EPHA5: variants seen among roughly 807,000 people sequenced by gnomAD.
EPHA5 encodes the protein ephrin type-A receptor 5.
Under a neutral mutation model 105.0 loss-of-function variants are expected in EPHA5, and 60 were observed. The observed-to-expected ratio is 0.57, with a 90% confidence interval of 0.46 to 0.71. The LOEUF is 0.71. Among genes scored for constraint, EPHA5 ranks in the 30% least tolerant of loss-of-function variants. The pLI is 0.00. For synonymous variants in EPHA5, 513 were observed against 449.1 expected (o/e 1.14, Z -1.80); for missense variants, 1,218 against 1,274.7 (o/e 0.96, Z 0.68).
intron 3 of EPHA5, among the ~76,000 whole-genome samples, chr4:65,590,200 A>G (rs1379370052): frequency 6.6e-6 from 1 of 152,152 alleles, no homozygotes; most frequent in African/African-American, 2.4e-5. Context: ...TTTCTTTTAT[A>G]AACTACACCT....
At chr4:65,436,351 GACAC>G (rs151176532) in intron 5 of EPHA5, among the ~76,000 whole-genome samples, 9 of 150,760 alleles carry the variant, frequency 6.0e-5, no homozygotes, top group Middle Eastern at 3.4e-3. Flanking sequence ...GCTATAAACA[GACAC>G]ACACACACAC....
intron 16 of EPHA5, among the ~76,000 whole-genome samples, chr4:65,326,893 G>T (rs1720131945): frequency 6.6e-6 from 1 of 151,048 alleles, no homozygotes; most frequent in Non-Finnish European, 1.5e-5. Context: ...TGACCTGAAA[G>T]AATTTATAAG....
At position 65,490,707 on chromosome 4, in the gene EPHA5, G is replaced by A. The variant is rs762220456; in HGVS notation, c.1072C>T (p.Pro358Ser). ...GAGATGGCATTCCGAGGAGCAGAGG[G>A]GGGTCCTGGTTTACAAAGTAAAGTA... ...DPPTMACTRP[P>S]SAPRNAISNV... The change falls in exon 5 of 17, where the codon CCC (proline) becomes TCC (serine). Residue 358 changes from proline (P) to serine (S), a missense_variant. Physicochemically the swap from Pro to Ser is moderately conservative, Grantham distance 74 (BLOSUM62 -1). Around this residue, in one of 3 missense-constraint regions of EPHA5, gnomAD observed 971 missense variants for 1,013.5 expected, o/e 0.96. Coordinates refer to ENST00000613740, the MANE Select transcript of EPHA5 (RefSeq NM_001281766.3). 1 of 1,612,774 alleles carries A rather than the reference G, an allele frequency of 6.2e-7. No homozygotes were observed. The highest frequency in any genetic ancestry group is 8.5e-7 in the Non-Finnish European group (1 of 1,178,902).
intron 5 of EPHA5, among the ~76,000 whole-genome samples, chr4:65,486,802 C>T (rs1730923908): frequency 6.6e-6 from 1 of 152,230 alleles, no homozygotes; most frequent in African/African-American, 2.4e-5. Flanking sequence ...GAGATTATAA[C>T]AGTGATATGG....
intron 8 of EPHA5, among the ~76,000 whole-genome samples, chr4:65,380,648 T>C (rs988375144): frequency 6.6e-6 from 1 of 151,824 alleles, no homozygotes; most frequent in Non-Finnish European, 1.5e-5. Context: ...AGTACTTGAA[T>C]TACATAGAAA....
intron 8 of EPHA5, among the ~76,000 whole-genome samples, chr4:65,391,411 A>T (rs1720706191): frequency 2.0e-5 from 3 of 152,092 alleles, no homozygotes; most frequent in African/African-American, 7.2e-5. Flanking sequence ...TTCATGTAAG[A>T]CCTTATAAAG....
chr4:65,602,335 AAT>A, intron 2 of EPHA5, 31 bp from the exon 3 acceptor site: 1 of 1,476,938 alleles, frequency 6.8e-7, no homozygotes, highest in Non-Finnish European at 9.0e-7. Context: ...AGATAAAAAA[AAT>A]TCAAAAAATA....
intron 3 of EPHA5, among the ~76,000 whole-genome samples, chr4:65,563,452 T>G (rs964677008): frequency 6.6e-6 from 1 of 151,986 alleles, no homozygotes; most frequent in East Asian, 1.9e-4. Flanking sequence ...TTATATGGAG[T>G]AGTATAATTA....
rs150210850 is a variant in EPHA5, at chr4:65,668,336, G to A, written c.181+1226C>T. On this transcript the variant is annotated intron_variant, in intron 1 of 16. Coordinates refer to ENST00000613740, the MANE Select transcript of EPHA5 (RefSeq NM_001281766.3). ...CTTCATCTTTCCGGTCTAGTGTCCC[G>A]TGCCCAGGAGTGGAAGGAATTTCTG... 8.3e-4 allele frequency among the ~76,000 whole-genome samples: 126 copies of A among 152,204 alleles called. 1 individual carries two copies. The highest frequency in any genetic ancestry group is 2.8e-3 in the African/African-American group (115 of 41,528).
chr4:65,330,769 T>A (rs528594103), intron 16 of EPHA5: 1,948 of 1,023,996 alleles, frequency 1.9e-3, no homozygotes, highest in Non-Finnish European at 2.1e-3. Context: ...CACAAATGGG[T>A]TCCTTGAGTG....
intron 3 of EPHA5, among the ~76,000 whole-genome samples, chr4:65,544,670 A>G (rs1439754600): frequency 6.6e-6 from 1 of 152,058 alleles, no homozygotes; most frequent in African/African-American, 2.4e-5. Context: ...CAGTGTGGCA[A>G]TTCCTCAAAG....
intron 8 of EPHA5, among the ~76,000 whole-genome samples, chr4:65,369,380 GT>G (rs1236356646): frequency 6.6e-6 from 1 of 151,982 alleles, no homozygotes; most frequent in Admixed American, 6.6e-5. Flanking sequence ...ACAAAATTCA[GT>G]TTACTAAAAA....
chr4:65,429,428 C>T (rs542015595), intron 5 of EPHA5, among the ~76,000 whole-genome samples: 1 of 150,964 alleles, frequency 6.6e-6, no homozygotes, highest in South Asian at 2.1e-4. Context: ...TATAAATCCA[C>T]ATTAAATAGG....
intron 4 of EPHA5, among the ~76,000 whole-genome samples, chr4:65,491,920 A>G (rs1731439988): frequency 6.6e-6 from 1 of 152,194 alleles, no homozygotes; most frequent in South Asian, 2.1e-4. Context: ...TTAATGTTAT[A>G]TTATTGGATA....
chr4:65,648,693 T>C (rs1412579369), intron 1 of EPHA5, among the ~76,000 whole-genome samples: 11 of 152,198 alleles, frequency 7.2e-5, no homozygotes, highest in African/African-American at 2.2e-4. Flanking sequence ...TACAAGAGGC[T>C]TTTGATGGAT....
chr4:65,665,956 C>A (rs571005835), intron 1 of EPHA5, among the ~76,000 whole-genome samples: 2 of 152,152 alleles, frequency 1.3e-5, no homozygotes, highest in South Asian at 2.1e-4. Flanking sequence ...TGGGGTCCTG[C>A]GGATTTATCT....
At chr4:65,550,106 T>C (rs528237203) in intron 3 of EPHA5, among the ~76,000 whole-genome samples, 3 of 151,918 alleles carry the variant, frequency 2.0e-5, no homozygotes, top group Admixed American at 6.6e-5. Flanking sequence ...AAAAAGATAA[T>C]ACATTATTTG....
At chr4:65,361,024 A>G (rs185957147) in intron 11 of EPHA5, among the ~76,000 whole-genome samples, 81 of 151,822 alleles carry the variant, frequency 5.3e-4, no homozygotes, top group African/African-American at 1.9e-3. Flanking sequence ...CTGAGAATTC[A>G]TTCATTCAAC....
intron 3 of EPHA5, among the ~76,000 whole-genome samples, chr4:65,534,140 T>C (rs919283649): frequency 1.1e-4 from 16 of 152,184 alleles, no homozygotes; most frequent in African/African-American, 3.6e-4. Flanking sequence ...ATGGCTTAAG[T>C]TTCCAACTGT....
Sources: allele counts gnomAD v4.1 joint callset (sites outside exome capture counted in the v4.1 genomes callset), GRCh38; gene constraint gnomAD v4.1.1; regional missense constraint gnomAD v4.1.1; transcripts MANE v1.5; gene names NCBI Gene and HGNC (gene_info 2026-07-23, HGNC 2026-07-21).